Variants in RB1CC1 observed in about 807,000 individuals in gnomAD.
The protein encoded by RB1CC1 is RB1 inducible coiled-coil 1.
In RB1CC1, 46 loss-of-function variants were observed where a neutral mutation model predicts 177.5. The ratio of observed to expected loss-of-function variants is 0.26; its 90% confidence interval spans 0.20 to 0.33. RB1CC1 has a LOEUF of 0.33. Among genes scored for constraint, RB1CC1 ranks in the 10% least tolerant of loss-of-function variants. The probability of loss-of-function intolerance (pLI) is 1.00; values close to 1 mark genes in which losing one functional copy is unlikely to be tolerated. For synonymous variants in RB1CC1, 666 were observed against 613.6 expected, an observed-to-expected ratio of 1.09 and a Z score of -1.26; for missense variants, 1,703 against 1,816.3, an observed-to-expected ratio of 0.94 and a Z score of 1.13.
intron 5 of RB1CC1, among the ~76,000 whole-genome samples, chr8:52,680,984 GTGTGTGT>G (rs1853649158): frequency 7.9e-6 from 1 of 126,340 alleles, no homozygotes; most frequent in African/African-American, 3.3e-5. Flanking sequence ...GTGTGTGTGT[GTGTGTGT>G]GTGTTTTTTT....
chr8:52,683,852 T>C (rs779344505), intron 4 of RB1CC1, 35 bp downstream of exon 4: 2 of 1,604,062 alleles, frequency 1.2e-6, no homozygotes, highest in African/African-American at 1.3e-5. Context: ...GTAAAGATGT[T>C]GCATTCTTGT....
At position 52,642,417 on chromosome 8, in the gene RB1CC1, GATCT is replaced by G; in HGVS notation, c.4267_4270del (p.Arg1423ProfsTer19). On this transcript the variant is annotated frameshift_variant, in exon 18 of 24. Transcript: ENST00000025008. LOFTEE classifies it high-confidence loss of function. ...TCCTTCATCTGCTGTTTCCACAGCG[GATCT>G]ATCTGATTCACCTGGGAGTTCAGGT... 1 of 1,614,030 alleles carries G rather than the reference GATCT, an allele frequency of 6.2e-7. No homozygotes were observed. The highest frequency in any genetic ancestry group is 8.5e-7 in the Non-Finnish European group (1 of 1,179,982).
intron 19 of RB1CC1, 49 bp from the exon 20 acceptor site, chr8:52,635,017 A>G (rs1045043095): frequency 6.0e-6 from 9 of 1,505,012 alleles, no homozygotes; most frequent in Non-Finnish European, 8.2e-6. Context: ...ACCTACTCAA[A>G]TAAATCTAAA....
intron 6 of RB1CC1, among the ~76,000 whole-genome samples, 157 bp downstream of exon 6, chr8:52,676,212 C>G (rs1288255449): frequency 6.6e-6 from 1 of 152,118 alleles, no homozygotes; most frequent in Non-Finnish European, 1.5e-5. Context: ...AAATTAAAAA[C>G]TATAACCTAC....
In RB1CC1 at chr8:52,658,931, A is replaced by T. The variant is rs758318553; in HGVS notation, c.1735T>A (p.Leu579Ile). The change falls in exon 13 of 24, where the codon TTA becomes ATA. Residue 579 changes from leucine (L) to isoleucine (I), a missense_variant. Transcript: ENST00000025008. ...GATTGCAGAAACTGTAAATCTTTTAATGAAATATCTGGAAGTTCACAGTCA... is the reference window on the plus strand; with the variant it reads ...GATTGCAGAAACTGTAAATCTTTTATTGAAATATCTGGAAGTTCACAGTCA... Reference protein sequence around the residue: ...KFDCELPDISLKDLQFLQSFC... With the variant: ...KFDCELPDISIKDLQFLQSFC... 3.1e-6 allele frequency: 5 copies of T among 1,588,574 alleles called. No homozygotes were observed. In the African/African-American group the frequency reaches 5.4e-5, roughly 17 times the overall value.
intron 2 of RB1CC1, among the ~76,000 whole-genome samples, 174 bp from the exon 3 acceptor site, chr8:52,685,694 TAAAA>T (rs1040093947): frequency 3.3e-5 from 5 of 151,708 alleles, no homozygotes; most frequent in African/African-American, 1.2e-4. Flanking sequence ...TAAAAAAAAA[TAAAA>T]ATAAATAGTA....
At position 52,642,316 on chromosome 8, in the gene RB1CC1, C is replaced by A. The variant is rs16918021; in HGVS notation, c.4337+35G>T. 1,858 of 1,582,658 alleles carry A rather than the reference C, an allele frequency of 1.2e-3. 26 individuals carry two copies. In the African/African-American group the frequency reaches 0.023, roughly 19 times the overall value. On this transcript the variant is annotated intron_variant, in intron 18 of 23. Transcript: ENST00000025008. ...AGCTTTATAACTCATGGAATTGCAA[C>A]AGCCTTAAAAACAGTTGAAAACAGC...
intron 5 of RB1CC1, among the ~76,000 whole-genome samples, chr8:52,680,773 G>A (rs1432928711): frequency 1.3e-5 from 2 of 152,166 alleles, no homozygotes; most frequent in Non-Finnish European, 2.9e-5. Flanking sequence ...GGAACATCAT[G>A]TTGCGTAAAA....
chr8:52,687,763 G>A (rs1331514561), intron 1 of RB1CC1, among the ~76,000 whole-genome samples: 1 of 152,192 alleles, frequency 6.6e-6, no homozygotes, highest in Non-Finnish European at 1.5e-5. Flanking sequence ...AAGTCTTGCA[G>A]AGACCCAAAA....
rs756368652 is a variant in RB1CC1, at chr8:52,634,296, G to A, written c.4440+625C>T. ...CCAGCACTTTGGGAGTCCAAGGTGC[G>A]CAGATCACCTGAGGCCAGGGGTTTG... On this transcript the variant is annotated intron_variant, in intron 20 of 23. Coordinates refer to ENST00000025008, the MANE Select transcript of RB1CC1 (RefSeq NM_014781.5). 2.6e-5 allele frequency among the ~76,000 whole-genome samples: 4 copies of A among 152,086 alleles called. 1 individual carries two copies. Among genetic ancestry groups the A allele is most frequent in the South Asian group, 4.1e-4 (2 of 4,822 alleles).
At chr8:52,662,038 G>A (rs535847205) in intron 8 of RB1CC1, among the ~76,000 whole-genome samples, 2 of 151,840 alleles carry the variant, frequency 1.3e-5, no homozygotes, top group Non-Finnish European at 2.9e-5. Flanking sequence ...TAACACTATC[G>A]GTCAGTCACA....
Position 52,673,980 on chromosome 8 carries a change from T to C in RB1CC1, c.867A>G (p.Gln289=). ...CTTTAGTGTCAATCGTAGTTTCATCTTGCTGATGAACAGTACTTTGACAAG... is the reference window on the plus strand; with the variant it reads ...CTTTAGTGTCAATCGTAGTTTCATCCTGCTGATGAACAGTACTTTGACAAG... ...RESCQSTVHQ[Q]DETTIDTKDG... is the part of the protein sequence containing the mutation. Residue 289 remains glutamine, a synonymous_variant, in exon 7 of 24, where the codon CAA becomes CAG. Coordinates refer to ENST00000025008, the MANE Select transcript of RB1CC1 (RefSeq NM_014781.5). The C allele has an allele frequency of 6.2e-7, 1 of 1,614,198 alleles. No homozygotes were observed. The highest frequency in any genetic ancestry group is 8.5e-7 in the Non-Finnish European group (1 of 1,180,024).
chr8:52,672,732 G>A (rs1003196814), intron 7 of RB1CC1, among the ~76,000 whole-genome samples: 1 of 152,158 alleles, frequency 6.6e-6, no homozygotes, highest in South Asian at 2.1e-4. Context: ...GCGACAGAGT[G>A]AGACCCTAAC....
chr8:52,630,772 AAC>A lies in RB1CC1; in HGVS notation c.4441-246_4441-245del, dbSNP rs1246365407. Among the ~76,000 whole-genome samples the A allele has an allele frequency of 4.4e-4, 67 of 152,358 alleles. 1 individual carries two copies. The highest frequency in any genetic ancestry group is 2.7e-3 in the Admixed American group (41 of 15,302). On this transcript the variant is annotated intron_variant, in intron 20 of 23. Transcript: ENST00000025008. Reference sequence around the variant, plus strand: ...ATTACATATTTAATCTTAAAAATAAAACACAGAGAAAAGGACAGATTTTTCAA... The same window carrying A: ...ATTACATATTTAATCTTAAAAATAAAACAGAGAAAAGGACAGATTTTTCAA...
In RB1CC1 at chr8:52,661,538, A is replaced by C; in HGVS notation, c.1355T>G (p.Leu452Arg). 6.3e-7 allele frequency: 1 copy of C among 1,596,084 alleles called. No homozygotes were observed. The highest frequency in any genetic ancestry group is 8.5e-7 in the Non-Finnish European group (1 of 1,172,110). Residue 452 changes from leucine (L) to arginine (R), a missense_variant, in exon 9 of 24, where the codon CTG becomes CGG. This residue lies in a region of RB1CC1 where 1,169 missense variants were observed against 1,184.7 expected (regional missense o/e 0.99). Transcript: ENST00000025008. ...CAGATATAAATGAATCACTTACTTC[A>C]GTCTGACATGTAGGTTATTTGCTAG... ...QELANNLHVR[L>R]KWCCFVMLHA...
intron 5 of RB1CC1, among the ~76,000 whole-genome samples, chr8:52,678,031 TA>T (rs1853307392): frequency 6.6e-6 from 1 of 152,142 alleles, no homozygotes; most frequent in Non-Finnish European, 1.5e-5. Flanking sequence ...TTTATAAATG[TA>T]AAATAAGTTC....
At chr8:52,683,484 T>C in intron 5 of RB1CC1, 65 bp downstream of exon 5, 2 of 1,347,696 alleles carry the variant, frequency 1.5e-6, no homozygotes, top group Admixed American at 2.7e-5. Flanking sequence ...CAATTTAGAC[T>C]ACTGTGCTAT....
At chr8:52,629,744 A>C (rs2150376081) in intron 21 of RB1CC1, among the ~76,000 whole-genome samples, 1 of 152,334 alleles carries the variant, frequency 6.6e-6, no homozygotes, top group South Asian at 2.1e-4. Context: ...CTTAACCTAG[A>C]CATTCCTTTC....
At chr8:52,639,538 C>A (rs1026415911) in intron 18 of RB1CC1, among the ~76,000 whole-genome samples, 1 of 152,112 alleles carries the variant, frequency 6.6e-6, no homozygotes, top group Non-Finnish European at 1.5e-5. Context: ...TTGTGTTCTT[C>A]CTGAATTTAT....
Sources: gnomAD v4.1 joint callset for allele counts (sites outside exome capture counted in the v4.1 genomes callset) on GRCh38, gnomAD v4.1.1 for gene constraint, gnomAD v4.1.1 regional missense constraint, MANE v1.5 for transcripts, NCBI Gene and HGNC (gene_info 2026-07-23, HGNC 2026-07-21) for gene names.